GRM7: variants seen among roughly 807,000 people sequenced by gnomAD.
The protein encoded by GRM7 is metabotropic glutamate receptor 7.
Under a neutral mutation model 84.5 loss-of-function variants are expected in GRM7, and 35 were observed. That is an observed-to-expected ratio of 0.41 (90% CI 0.32 to 0.55). The LOEUF is 0.55. GRM7 is among the 20% of genes least tolerant of loss of function. GRM7 has a pLI of 0.19. For missense variants in GRM7, 1,003 were observed against 1,194.6 expected, an observed-to-expected ratio of 0.84 and a Z score of 2.36; for synonymous variants, 487 against 455.1, an observed-to-expected ratio of 1.07 and a Z score of -0.89.
chr3:7,613,269 G>A (rs989201754), intron 8 of GRM7, among the ~76,000 whole-genome samples: 1 of 152,168 alleles, frequency 6.6e-6, no homozygotes, highest in Non-Finnish European at 1.5e-5. Flanking sequence ...ATCAATAAGA[G>A]ATTTCCCTCC....
chr3:7,032,305 T>G (rs570543078), intron 1 of GRM7, among the ~76,000 whole-genome samples: 4 of 152,344 alleles, frequency 2.6e-5, no homozygotes, highest in African/African-American at 9.6e-5. Context: ...TCTTATATGC[T>G]CTGACATTTA....
intron 2 of GRM7, among the ~76,000 whole-genome samples, chr3:7,294,405 G>C: frequency 6.6e-6 from 1 of 152,054 alleles, no homozygotes; most frequent in East Asian, 1.9e-4. Flanking sequence ...CCTCCATAAT[G>C]CTTTCCAGAC....
intron 5 of GRM7, among the ~76,000 whole-genome samples, chr3:7,434,110 T>C (rs1298123072): frequency 6.6e-6 from 1 of 152,232 alleles, no homozygotes; most frequent in Non-Finnish European, 1.5e-5. Context: ...ATCATCGTAA[T>C]TCTTTTTCGA....
At chr3:7,430,955 A>G (rs776120109) in intron 5 of GRM7, among the ~76,000 whole-genome samples, 2 of 152,120 alleles carry the variant, frequency 1.3e-5, no homozygotes, top group African/African-American at 2.4e-5. Flanking sequence ...ACACAGACCC[A>G]TTATGCCTTC....
At chr3:7,638,507 A>C (rs745393919) in intron 8 of GRM7, among the ~76,000 whole-genome samples, 1 of 152,168 alleles carries the variant, frequency 6.6e-6, no homozygotes, top group South Asian at 2.1e-4. Context: ...CCACATTCCT[A>C]CTGTCAGTCA....
intron 8 of GRM7, among the ~76,000 whole-genome samples, chr3:7,603,189 T>C (rs1285462074): frequency 6.6e-6 from 1 of 152,116 alleles, no homozygotes; most frequent in Non-Finnish European, 1.5e-5. Context: ...TACAGTGAGC[T>C]TAGATTTCTT....
At chr3:6,926,170 A>C (rs764634790) in intron 1 of GRM7, among the ~76,000 whole-genome samples, 36 of 152,212 alleles carry the variant, frequency 2.4e-4, no homozygotes, top group Admixed American at 1.4e-3. Flanking sequence ...TAAAAACAAT[A>C]TAGAATAGCA....
intron 1 of GRM7, among the ~76,000 whole-genome samples, chr3:6,872,706 A>G (rs896731932): frequency 6.6e-6 from 1 of 151,846 alleles, no homozygotes; most frequent in African/African-American, 2.4e-5. Flanking sequence ...GAGTGAGAAC[A>G]TGTGGTGTTT....
chr3:7,662,267 G>A lies in GRM7; in HGVS notation c.2452-17782G>A, dbSNP rs370026907. On this transcript the variant is annotated intron_variant, in intron 8 of 9. Coordinates refer to ENST00000357716, the MANE Select transcript of GRM7 (RefSeq NM_000844.4). ...GAAAGGAGTGAGGGAGAAATACAAA[G>A]AGGAATAAGGAACTTTTGGAGGTGA... Among the ~76,000 whole-genome samples, 17 of 152,298 alleles carry A rather than the reference G, an allele frequency of 1.1e-4. No individual in the cohort carries two copies. The East Asian group carries it at 2.5e-3, about 22-fold the overall frequency.
intron 2 of GRM7, among the ~76,000 whole-genome samples, chr3:7,202,579 C>T (rs1011775391): frequency 6.6e-6 from 1 of 152,150 alleles, no homozygotes; most frequent in Non-Finnish European, 1.5e-5. Flanking sequence ...GATCTGCCCA[C>T]CTCAACCTCC....
intron 1 of GRM7, among the ~76,000 whole-genome samples, chr3:6,940,284 G>A (rs754303120): frequency 1.3e-5 from 2 of 151,986 alleles, no homozygotes; most frequent in Non-Finnish European, 2.9e-5. Flanking sequence ...TAGAGATGGG[G>A]TTTCACCATG....
At chr3:7,282,762 C>A (rs1483670753) in intron 2 of GRM7, among the ~76,000 whole-genome samples, 5 of 152,030 alleles carry the variant, frequency 3.3e-5, no homozygotes, top group African/African-American at 7.2e-5. Context: ...TATATTAAAG[C>A]TGTATTATGA....
chr3:7,599,531 G>C (rs998329771), intron 8 of GRM7, among the ~76,000 whole-genome samples: 25 of 152,100 alleles, frequency 1.6e-4, no homozygotes, highest in African/African-American at 5.8e-4. Context: ...GTAGGTGTTT[G>C]TCTCCGGTCT....
rs112889124 is a variant in GRM7, at chr3:7,490,343, C to A, written c.1515+28621C>A. Reference sequence around the variant, plus strand: ...AATATGAGCTACACACAAGAACAGTCTGAAATATATGAACTGAAGAGGCAC... The same window carrying A: ...AATATGAGCTACACACAAGAACAGTATGAAATATATGAACTGAAGAGGCAC... On this transcript the variant is annotated intron_variant, in intron 7 of 9. Coordinates refer to ENST00000357716, the MANE Select transcript of GRM7 (RefSeq NM_000844.4). 3.9e-3 allele frequency among the ~76,000 whole-genome samples: 588 copies of A among 152,164 alleles called. 3 individuals are homozygous for A. The highest frequency in any genetic ancestry group is 0.013 in the African/African-American group (550 of 41,542).
intron 1 of GRM7, among the ~76,000 whole-genome samples, chr3:6,873,354 T>C (rs1695195160): frequency 6.6e-6 from 1 of 152,178 alleles, no homozygotes; most frequent in South Asian, 2.1e-4. Flanking sequence ...ATTACGGGCG[T>C]GAGCCACCTT....
intron 1 of GRM7, among the ~76,000 whole-genome samples, chr3:6,967,503 C>A (rs1391352304): frequency 2.0e-5 from 3 of 152,164 alleles, no homozygotes; most frequent in Non-Finnish European, 4.4e-5. Context: ...CTCGGACTTA[C>A]TGATTTACCC....
chr3:7,209,752 G>T (rs569123090), intron 2 of GRM7, among the ~76,000 whole-genome samples: 3 of 152,312 alleles, frequency 2.0e-5, no homozygotes, highest in South Asian at 4.1e-4. Flanking sequence ...TTCAACGAAG[G>T]TAGAGCAGAC....
intron 4 of GRM7, among the ~76,000 whole-genome samples, chr3:7,407,847 G>A (rs1695748880): frequency 6.6e-6 from 1 of 152,164 alleles, no homozygotes; most frequent in Non-Finnish European, 1.5e-5. Flanking sequence ...ATAGTTCCTA[G>A]TGTTAAAGTA....
At chr3:7,687,871 G>A (rs768271336) in intron 9 of GRM7, among the ~76,000 whole-genome samples, 10 of 152,080 alleles carry the variant, frequency 6.6e-5, no homozygotes, top group East Asian at 3.9e-4. Context: ...CCAGTAACTC[G>A]GTCTTTAATT....
Sources: allele counts gnomAD v4.1 joint callset (sites outside exome capture counted in the v4.1 genomes callset), GRCh38; gene constraint gnomAD v4.1.1; transcripts MANE v1.5; gene names NCBI Gene and HGNC (gene_info 2026-07-23, HGNC 2026-07-21).